VPS13C: variants seen among roughly 807,000 people sequenced by gnomAD.
The protein encoded by VPS13C is intermembrane lipid transfer protein VPS13C.
A neutral mutation model predicts 456.8 loss-of-function variants in VPS13C; 358 were observed. That is an observed-to-expected ratio of 0.78 (90% CI 0.72 to 0.86). The LOEUF is 0.86. Ranked by LOEUF, VPS13C falls within the 40% of genes least tolerant of loss-of-function variation. The probability of loss-of-function intolerance (pLI) is 0.00; values close to 1 mark genes in which losing one functional copy is unlikely to be tolerated. For synonymous variants in VPS13C, 1,578 were observed against 1,486.7 expected (o/e 1.06, Z -1.41); for missense variants, 4,818 against 4,385.4 (o/e 1.10, Z -2.79).
intron 45 of VPS13C, among the ~76,000 whole-genome samples, chr15:61,942,561 A>G (rs1469350389): frequency 9.8e-6 from 1 of 101,916 alleles, no homozygotes; most frequent in African/African-American, 3.7e-5. Flanking sequence ...TTTTTTTTTT[A>G]TGTACTCAGC....
intron 47 of VPS13C, among the ~76,000 whole-genome samples, chr15:61,937,361 T>C (rs1008316819): frequency 7.2e-5 from 11 of 152,208 alleles, no homozygotes; most frequent in African/African-American, 2.4e-4. Flanking sequence ...TAAAAGGGTA[T>C]GTGTGGCAAA....
chr15:62,004,400 TTCTTC>T (rs1393496347), intron 15 of VPS13C, among the ~76,000 whole-genome samples: 1 of 152,120 alleles, frequency 6.6e-6, no homozygotes, highest in Non-Finnish European at 1.5e-5. Flanking sequence ...ATCTATTTGA[TTCTTC>T]TCTTTTTTCT....
chr15:61,918,208 T>C lies in VPS13C; in HGVS notation c.7688A>G (p.Asn2563Ser), dbSNP rs201120398. ...IAFIIYKFVKNVKLLERIGIA... is the reference protein window; with the variant it reads ...IAFIIYKFVKSVKLLERIGIA... ...CCCAATGCGCTCCAATAGCTTAACA[T>C]TCTTAACAAATTTATAGATGATAAA... Residue 2563 changes from asparagine to serine, a missense_variant, in exon 59 of 85, where the codon AAT (asparagine) becomes AGT (serine). By Grantham distance (46) the Asn-to-Ser change is conservative. Coordinates refer to ENST00000644861, the MANE Select transcript of VPS13C (RefSeq NM_020821.3). The C allele has an allele frequency of 2.4e-4, 378 of 1,596,254 alleles. No homozygotes were observed. Among genetic ancestry groups the C allele is most frequent in the Non-Finnish European group, 3.1e-4 (360 of 1,173,154 alleles).
At position 61,854,603 on chromosome 15, in the gene VPS13C, G is replaced by T; in HGVS notation, c.11161-45C>A. 2 of 1,587,828 alleles carry T rather than the reference G, an allele frequency of 1.3e-6. 1 individual carries two copies. Among genetic ancestry groups the T allele is most frequent in the South Asian group, 2.2e-5 (2 of 90,508 alleles). Reference sequence around the variant, plus strand: ...TTATGAATTTTAAAGACAAGTATAGGCTCATTTGGTTGAAGGGAAAGGTAT... The same window carrying T: ...TTATGAATTTTAAAGACAAGTATAGTCTCATTTGGTTGAAGGGAAAGGTAT... On this transcript the variant is annotated intron_variant, in intron 84 of 84. Transcript: ENST00000644861.
Position 62,029,097 on chromosome 15 carries a change from T to C in VPS13C, c.386-677A>G, listed in dbSNP as rs189544814. Among the ~76,000 whole-genome samples, 100 of 152,220 alleles carry C rather than the reference T, an allele frequency of 6.6e-4. 2 individuals carry two copies. The East Asian group carries it at 0.015, about 24-fold the overall frequency. ...TGTACAGGGTTAAGATTACAAGATCTAGAGCCAGACCGGATTCAAATTCTA... is the reference window on the plus strand; with the variant it reads ...TGTACAGGGTTAAGATTACAAGATCCAGAGCCAGACCGGATTCAAATTCTA... On this transcript the variant is annotated intron_variant, in intron 5 of 84. Coordinates refer to ENST00000644861, the MANE Select transcript of VPS13C (RefSeq NM_020821.3).
intron 1 of VPS13C, among the ~76,000 whole-genome samples, chr15:62,044,924 T>C (rs2048355006): frequency 6.6e-6 from 1 of 152,150 alleles, no homozygotes; most frequent in South Asian, 2.1e-4. Flanking sequence ...TTAAGGCTAA[T>C]AAAACTATAG....
rs1334626339 is a variant in VPS13C at position 62,033,530 on chromosome 15, T to C, written c.296A>G (p.Asp99Gly). ...LVVPGASIKYDAVKEEKSLQD... is the reference protein window; with the variant it reads ...LVVPGASIKYGAVKEEKSLQD... Reference sequence around the variant, plus strand: ...CAAGGATTTTTCTTCTTTTACAGCATCATACTTAATACCTAAAAATATACA... The same window carrying C: ...CAAGGATTTTTCTTCTTTTACAGCACCATACTTAATACCTAAAAATATACA... The change falls in exon 5 of 85, where the codon GAT becomes GGT. Residue 99 changes from aspartate (D) to glycine (G), a missense_variant. Asp to Gly is a moderately conservative substitution (Grantham distance 94). Around this residue, in one of 3 missense-constraint regions of VPS13C, gnomAD observed 4,552 missense variants for 4,130.6 expected, o/e 1.10. Coordinates refer to ENST00000644861, the MANE Select transcript of VPS13C (RefSeq NM_020821.3). The C allele has an allele frequency of 1.3e-6, 2 of 1,595,614 alleles. No individual in the cohort carries two copies. The highest frequency in any genetic ancestry group is 2.2e-5 in the East Asian group (1 of 44,484).
intron 26 of VPS13C, 145 bp downstream of exon 26, chr15:61,973,309 A>T: frequency 1.7e-6 from 1 of 596,502 alleles, no homozygotes; most frequent in Non-Finnish European, 2.8e-6. Context: ...AGAGACTCAG[A>T]GTCACACTAA....
chr15:61,960,054 A>G (rs886896215), intron 35 of VPS13C, among the ~76,000 whole-genome samples: 4 of 152,218 alleles, frequency 2.6e-5, no homozygotes, highest in Admixed American at 1.3e-4. Context: ...TTTATTCTAC[A>G]TAATTAAATC....
chr15:62,049,403 C>G (rs1028035671), intron 1 of VPS13C, among the ~76,000 whole-genome samples: 3 of 152,164 alleles, frequency 2.0e-5, no homozygotes, highest in African/African-American at 7.2e-5. Context: ...TGTCAAATAT[C>G]AGATGGTTGT....
At chr15:61,933,335 T>C (rs574453071) in intron 49 of VPS13C, among the ~76,000 whole-genome samples, 4 of 152,264 alleles carry the variant, frequency 2.6e-5, no homozygotes, top group Admixed American at 6.5e-5. Flanking sequence ...AGGCAGTTCA[T>C]TGCATAAATA....
intron 82 of VPS13C, among the ~76,000 whole-genome samples, chr15:61,859,709 A>G (rs1313720653): frequency 6.6e-6 from 1 of 152,170 alleles, no homozygotes; most frequent in Non-Finnish European, 1.5e-5. Flanking sequence ...GACTCTGTCC[A>G]TCGCTCTTCT....
intron 13 of VPS13C, among the ~76,000 whole-genome samples, chr15:62,009,812 T>A (rs576162919): frequency 6.6e-6 from 1 of 152,164 alleles, no homozygotes; most frequent in Non-Finnish European, 1.5e-5. Context: ...GCTGCCAACA[T>A]AGCTGTTCTA....
intron 40 of VPS13C, 138 bp from the exon 41 acceptor site, chr15:61,950,555 C>CAA (rs202137136): frequency 3.6e-3 from 1,719 of 473,968 alleles, no homozygotes; most frequent in East Asian, 0.016. Flanking sequence ...GAAAGCCATT[C>CAA]AAAAAAAAAA....
chr15:61,986,218 C>T (rs1267676705), intron 18 of VPS13C, among the ~76,000 whole-genome samples: 1 of 151,168 alleles, frequency 6.6e-6, no homozygotes, highest in Non-Finnish European at 1.5e-5. Context: ...TTCACAGGCG[C>T]TCTAGACATC....
At chr15:61,916,456 A>G (rs1203461189) in intron 60 of VPS13C, among the ~76,000 whole-genome samples, 2 of 152,226 alleles carry the variant, frequency 1.3e-5, no homozygotes, top group Non-Finnish European at 2.9e-5. Flanking sequence ...AGTCAGAGTA[A>G]AAAGTTACTC....
At chr15:61,924,174 T>G (rs2043763331) in intron 53 of VPS13C, among the ~76,000 whole-genome samples, 1 of 152,200 alleles carries the variant, frequency 6.6e-6, no homozygotes, top group South Asian at 2.1e-4. Flanking sequence ...GCCACCCCTC[T>G]AAATCTTAAA....
intron 67 of VPS13C, among the ~76,000 whole-genome samples, chr15:61,886,515 A>T (rs549690627): frequency 6.6e-6 from 1 of 152,286 alleles, no homozygotes; most frequent in South Asian, 2.1e-4. Flanking sequence ...GCTGCAGAAC[A>T]ATATGCACTA....
At chr15:61,878,528 G>C in intron 74 of VPS13C, 79 bp downstream of exon 74, 1 of 1,534,288 alleles carries the variant, frequency 6.5e-7, no homozygotes, top group Non-Finnish European at 8.7e-7. Flanking sequence ...AGCTAACATT[G>C]CACAAGTGGA....
Sources: gnomAD v4.1 joint callset for allele counts (sites outside exome capture counted in the v4.1 genomes callset) on GRCh38, gnomAD v4.1.1 for gene constraint, gnomAD v4.1.1 regional missense constraint, MANE v1.5 for transcripts, NCBI Gene and HGNC (gene_info 2026-07-23, HGNC 2026-07-21) for gene names.